COASY: variants seen among roughly 807,000 people sequenced by gnomAD.
COASY encodes the protein Coenzyme A synthase.
In COASY, 31 loss-of-function variants were observed where a neutral mutation model predicts 49.4. The ratio of observed to expected loss-of-function variants is 0.63; its 90% confidence interval spans 0.47 to 0.85. The LOEUF (loss-of-function observed/expected upper bound fraction) is 0.85. COASY is among the 40% of genes least tolerant of loss of function. COASY has a pLI of 0.00. For synonymous variants in COASY, 285 were observed against 310.9 expected (o/e 0.92, Z 0.88); for missense variants, 730 against 734.1 (o/e 0.99, Z 0.06).
Position 42,564,910 on chromosome 17 carries a change from G to C in COASY, c.1237+12G>C, listed in dbSNP as rs1308335917. 1.2e-6 allele frequency: 2 copies of C among 1,613,736 alleles called. No individual in the cohort carries two copies. Among genetic ancestry groups the C allele is most frequent in the Non-Finnish European group, 8.5e-7 (1 of 1,179,728 alleles). On this transcript the variant is annotated intron_variant, in intron 4 of 8. Transcript: ENST00000393818. ...GGCCTTTGGAACAGGTAATAACTGGGGAAGGCTGAAAGTGGCCTGGAGTGA... is the reference window on the plus strand; with the variant it reads ...GGCCTTTGGAACAGGTAATAACTGGCGAAGGCTGAAAGTGGCCTGGAGTGA...
rs377161549 is a variant in COASY, at chr17:42,563,957, C to A, written c.701-4C>A. The A allele has an allele frequency of 2.4e-5, 38 of 1,596,778 alleles. No homozygotes were observed. Among genetic ancestry groups the A allele is most frequent in the Non-Finnish European group, 3.0e-5 (35 of 1,169,074 alleles). ...CTCACTGTTCTTCTGGGCTCCTTCCCCAGGCAAGTTGCTCCCTGAGCTGCT... is the reference window on the plus strand; with the variant it reads ...CTCACTGTTCTTCTGGGCTCCTTCCACAGGCAAGTTGCTCCCTGAGCTGCT... On this transcript the variant is annotated splice_polypyrimidine_tract_variant and splice_region_variant and intron_variant, in intron 1 of 8. Transcript: ENST00000393818.
In COASY at chr17:42,564,139, TG is replaced by T; in HGVS notation, c.885del (p.Met296TrpfsTer23). 3.1e-6 allele frequency: 5 copies of T among 1,613,752 alleles called. No individual in the cohort carries two copies. Among genetic ancestry groups the T allele is most frequent in the Non-Finnish European group, 4.2e-6 (5 of 1,179,924 alleles). ...FLVVSEETYR[G>X]GMAINRFRLE... ...TGGTGGTCAGCGAGGAGACCTATCG[TG>T]GGGGGATGGCCATCAACCGCTTCCG... is the stretch of plus-strand genomic sequence containing the variant. On this transcript the variant is annotated frameshift_variant, in exon 2 of 9. Coordinates refer to ENST00000393818, the MANE Select transcript of COASY (RefSeq NM_025233.7). LOFTEE classifies it high-confidence loss of function.
chr17:42,563,476 T>C (rs572640144), intron 1 of COASY, 154 bp downstream of exon 1: 11 of 713,994 alleles, frequency 1.5e-5, no homozygotes, highest in African/African-American at 1.3e-4. Context: ...CTAAGGCCAT[T>C]TTGTCAAATG....
intron 1 of COASY, 182 bp downstream of exon 1, chr17:42,563,504 G>A (rs1335610883): frequency 1.6e-6 from 1 of 624,828 alleles, no homozygotes; most frequent in African/African-American, 1.8e-5. Context: ...TTCTCAGCAT[G>A]TGGTCCAGTC....
chr17:42,563,683 T>A (rs1180822922), intron 1 of COASY: 1 of 519,496 alleles, frequency 1.9e-6, no homozygotes, highest in Admixed American at 3.7e-5. Flanking sequence ...GTCTTGGAAT[T>A]TTCCATCTGC....
Position 42,564,818 on chromosome 17 carries a change from T to C in COASY, c.1157T>C (p.Ile386Thr), listed in dbSNP as rs762483890. 51 of 1,563,050 alleles carry C rather than the reference T, an allele frequency of 3.3e-5. No individual in the cohort carries two copies. The highest frequency in any genetic ancestry group is 4.1e-5 in the Non-Finnish European group (48 of 1,158,654). ...CTGAAGGGCCTGGGGGCGTTTGTCA[T>C]TGACAGTGACCACCTGGGTCATCGG... ...QRLKGLGAFV[I>T]DSDHLGHRAY... The change falls in exon 4 of 9, where the codon ATT (isoleucine) becomes ACT (threonine). Residue 386 changes from isoleucine (I) to threonine (T), a missense_variant. Ile to Thr is a moderately conservative substitution (Grantham distance 89). Transcript: ENST00000393818.
chr17:42,564,100 C>T lies in COASY; in HGVS notation c.840C>T (p.Pro280=). 3.1e-6 allele frequency: 5 copies of T among 1,614,140 alleles called. No homozygotes were observed. The highest frequency in any genetic ancestry group is 4.2e-6 in the Non-Finnish European group (5 of 1,180,008). The part of the protein sequence containing the change: ...LDPYGPAGSD[P]SLEFLVVSEE... Reference sequence around the variant, plus strand: ...CCTATGGGCCCGCTGGCTCTGACCCCTCCCTGGAGTTCCTGGTGGTCAGCG... The same window carrying T: ...CCTATGGGCCCGCTGGCTCTGACCCTTCCCTGGAGTTCCTGGTGGTCAGCG... Residue 280 remains proline (P), a synonymous_variant, in exon 2 of 9, where the codon CCC becomes CCT. Transcript: ENST00000393818.
intron 5 of COASY, 62 bp downstream of exon 5, chr17:42,565,109 G>A: frequency 6.3e-7 from 1 of 1,584,630 alleles, no homozygotes; most frequent in South Asian, 1.1e-5. Context: ...AGGGTCCAGT[G>A]GACCTCTCTG....
In COASY at chr17:42,563,987, C is replaced by A. The variant is rs2092989654; in HGVS notation, c.727C>A (p.Pro243Thr). Residue 243 changes from proline to threonine, a missense_variant, in exon 2 of 9, where the codon CCT (proline) becomes ACT (threonine). Coordinates refer to ENST00000393818, the MANE Select transcript of COASY (RefSeq NM_025233.7). ...CAAGTTGCTCCCTGAGCTGCTCCAA[C>A]CTTATACAGAACGTGTGGAACATCT... Reference protein sequence around the residue: ...KSKLLPELLQPYTERVEHLSE... With the variant: ...KSKLLPELLQTYTERVEHLSE... 6.2e-7 allele frequency: 1 copy of A among 1,613,298 alleles called. No individual in the cohort carries two copies. The highest frequency in any genetic ancestry group is 8.5e-7 in the Non-Finnish European group (1 of 1,179,524).
chr17:42,563,700 T>G, intron 1 of COASY: 1 of 531,404 alleles, frequency 1.9e-6, no homozygotes, highest in Non-Finnish European at 3.3e-6. Flanking sequence ...CTGCCTCTGA[T>G]GCCCTCTGGC....
rs1000096293 is a variant in COASY at position 42,564,550 on chromosome 17, G to T, written c.1020G>T (p.Met340Ile). ...GCTCCTCCAGCTTCCGCCAGCGAAT[G>T]TTGGGGAACCTGCTTCGGCCTCCAT... ...KVSSSSFRQR[M>I]LGNLLRPPYE... The change falls in exon 3 of 9, where the codon ATG (methionine) becomes ATT (isoleucine). Residue 340 changes from methionine to isoleucine, a missense_variant. Coordinates refer to ENST00000393818, the MANE Select transcript of COASY (RefSeq NM_025233.7). 1 of 1,613,688 alleles carries T rather than the reference G, an allele frequency of 6.2e-7. No homozygotes were observed.
At chr17:42,565,634 T>C (rs1233800808) in intron 7 of COASY, 25 bp from the exon 8 acceptor site, 3 of 1,613,842 alleles carry the variant, frequency 1.9e-6, no homozygotes, top group Non-Finnish European at 2.5e-6. Flanking sequence ...GAATTCTTCC[T>C]GACAAATGTC....
At chr17:42,564,301 A>G (rs1022067098) in intron 2 of COASY, 126 bp downstream of exon 2, 1 of 1,460,628 alleles carries the variant, frequency 6.8e-7, no homozygotes, top group Non-Finnish European at 9.5e-7. Context: ...GGGAAGAAGC[A>G]AGGAGGAACT....
chr17:42,562,632 T>C lies in COASY; in HGVS notation c.10T>C (p.Phe4Leu). The C allele has an allele frequency of 2.0e-6, 3 of 1,524,298 alleles. No individual in the cohort carries two copies. Among genetic ancestry groups the C allele is most frequent in the Non-Finnish European group, 2.6e-6 (3 of 1,140,598 alleles). The allele number at this position is 1,524,298 out of a possible 1,614,324, so 94.4% of individuals were successfully genotyped here. Residue 4 changes from phenylalanine to leucine, a missense_variant, in exon 1 of 9, where the codon TTC (phenylalanine) becomes CTC (leucine). Coordinates refer to ENST00000393818, the MANE Select transcript of COASY (RefSeq NM_025233.7). ...CGCAGGCCTGGGCAGCATGGCCGTA[T>C]TCCGGTCGGGTCTCCTGGTGCTGAC... MAV[F>L]RSGLLVLTTP...
rs2092982221 is a variant in COASY, at chr17:42,562,737, G to A, written c.115G>A (p.Val39Ile). 1 of 1,590,856 alleles carries A rather than the reference G, an allele frequency of 6.3e-7. No homozygotes were observed. Residue 39 changes from valine to isoleucine, a missense_variant, in exon 1 of 9, where the codon GTT (valine) becomes ATT (isoleucine). Transcript: ENST00000393818. ...AARLVNHTLY[V>I]HLQPGMSLEG... is the part of the protein sequence containing the mutation. ...CCGGCTGGTGAATCACACACTCTAT[G>A]TTCACCTGCAGCCGGGCATGAGCCT...
intron 5 of COASY, 40 bp from the exon 6 acceptor site, chr17:42,565,187 T>C (rs754255973): frequency 1.2e-6 from 2 of 1,610,324 alleles, no homozygotes; most frequent in Non-Finnish European, 1.7e-6. Context: ...GGCTGCCTCT[T>C]CTAGAGAAGG....
At position 42,565,080 on chromosome 17, in the gene COASY, G is replaced by A. The variant is rs184601988; in HGVS notation, c.1302+33G>A. 357 of 1,609,414 alleles carry A rather than the reference G, an allele frequency of 2.2e-4. 1 individual carries two copies. The highest frequency in any genetic ancestry group is 4.7e-4 in the Admixed American group (28 of 60,018). On this transcript the variant is annotated intron_variant, in intron 5 of 8. Coordinates refer to ENST00000393818, the MANE Select transcript of COASY (RefSeq NM_025233.7). The stretch of plus-strand genomic sequence containing the variant: ...ATAACTTCCTAAGGGCTCCTAAGCC[G>A]CTACTAGACCCAGGGGTCAGGGTCC...
chr17:42,562,309 C>T lies in COASY; in HGVS notation c.-314C>T. 9.5e-7 allele frequency: 1 copy of T among 1,053,396 alleles called. No individual in the cohort carries two copies. Among genetic ancestry groups the T allele is most frequent in the Non-Finnish European group, 1.4e-6 (1 of 692,076 alleles). 65.3% of individuals were successfully genotyped at this position (1,053,396 alleles called of 1,614,324 possible). ...ACCCTGGTGCAGCTTAGCAAGAGGG[C>T]CCAGGATTTTTGGATCCCCAGCCCT... On this transcript the variant is annotated 5_prime_UTR_variant, in exon 1 of 9. Transcript: ENST00000393818.
At position 42,566,264 on chromosome 17, in the gene COASY, TG is replaced by T; in HGVS notation, c.*297del. Reference sequence around the variant, plus strand: ...CTGGAACCTGTAACAGAATTAAAGGTGAATGTTCTGAGATGTTGCTTGTATG... The same window carrying T: ...CTGGAACCTGTAACAGAATTAAAGGTAATGTTCTGAGATGTTGCTTGTATG... On this transcript the variant is annotated 3_prime_UTR_variant, in exon 9 of 9. Transcript: ENST00000393818. 1 of 445,942 alleles carries T rather than the reference TG, an allele frequency of 2.2e-6. No individual in the cohort carries two copies. The allele number at this position is 445,942 out of a possible 1,614,324, so 27.6% of individuals were successfully genotyped here. A position where few individuals can be genotyped will look rare whatever the true frequency, so the allele number is the denominator to read the frequency against.
Sources: allele counts gnomAD v4.1 joint callset, GRCh38; gene constraint gnomAD v4.1.1; transcripts MANE v1.5; gene names NCBI Gene and HGNC (gene_info 2026-07-23, HGNC 2026-07-21).